DIAPH2: variants seen among roughly 807,000 people sequenced by gnomAD.
DIAPH2 encodes the protein diaphanous related formin 2.
Under a neutral mutation model 92.7 loss-of-function variants are expected in DIAPH2, and 35 were observed. The ratio of observed to expected loss-of-function variants is 0.38; its 90% CI spans 0.29 to 0.50. DIAPH2 has a LOEUF of 0.50. Among genes scored for constraint, DIAPH2 ranks in the 20% least tolerant of loss-of-function variants. DIAPH2 has a pLI of 0.94. For missense variants in DIAPH2, 701 were observed against 819.5 expected (o/e 0.86, Z 1.77); for synonymous variants, 301 against 280.4 (o/e 1.07, Z -0.73).
intron 22 of DIAPH2, among the ~76,000 whole-genome samples, chrX:97,215,561 C>A (rs2067876468): frequency 8.9e-6 from 1 of 111,738 alleles, no homozygotes. Flanking sequence ...GATAAATCCT[C>A]CACTCAGTTT....
intron 22 of DIAPH2, among the ~76,000 whole-genome samples, chrX:97,241,534 G>C (rs1413939910): frequency 9.0e-6 from 1 of 110,635 alleles, no homozygotes; most frequent in Admixed American, 9.6e-5. Flanking sequence ...TCCTGACCTC[G>C]TGATCCGACC....
At chrX:97,276,231 A>G (rs184436425) in intron 23 of DIAPH2, among the ~76,000 whole-genome samples, 2,089 of 112,012 alleles carry the variant, frequency 0.019, 44 homozygotes, top group African/African-American at 0.065. Context: ...GCAGCAGTAC[A>G]GTCCAGCTTC....
chrX:97,219,378 A>G (rs1160740484), intron 22 of DIAPH2, among the ~76,000 whole-genome samples: 1 of 112,118 alleles, frequency 8.9e-6, no homozygotes, highest in Non-Finnish European at 1.9e-5. Flanking sequence ...TAATATGGGC[A>G]AATTAAATGT....
intron 17 of DIAPH2, among the ~76,000 whole-genome samples, chrX:96,983,585 A>G (rs1183542885): frequency 1.8e-5 from 2 of 111,968 alleles, no homozygotes; most frequent in Non-Finnish European, 3.8e-5. Context: ...ATATAACAAT[A>G]TATAATTGAT....
intron 23 of DIAPH2, among the ~76,000 whole-genome samples, chrX:97,252,211 G>A (rs1454473926): frequency 9.0e-6 from 1 of 111,523 alleles, no homozygotes; most frequent in East Asian, 2.8e-4. Flanking sequence ...TCAATGGCAG[G>A]GTTTTCTGTT....
In DIAPH2 at chrX:96,810,108, G is replaced by A. The variant is rs755958553; in HGVS notation, c.447+51850G>A. 8.9e-5 allele frequency among the ~76,000 whole-genome samples: 10 copies of A among 112,135 alleles called. No individual in the cohort carries two copies. The East Asian group carries it at 1.4e-3, about 16-fold the overall frequency. ...GAATTGCCACACTGTCTTCCACAACGGTTGAACTAGTTTACACTCCCATCA... is the reference window on the plus strand; with the variant it reads ...GAATTGCCACACTGTCTTCCACAACAGTTGAACTAGTTTACACTCCCATCA... On this transcript the variant is annotated intron_variant, in intron 4 of 26. Coordinates refer to ENST00000324765, the MANE Select transcript of DIAPH2 (RefSeq NM_006729.5).
chrX:97,343,515 A>C (rs2069129842), intron 23 of DIAPH2, among the ~76,000 whole-genome samples: 1 of 110,889 alleles, frequency 9.0e-6, no homozygotes, highest in Non-Finnish European at 1.9e-5. Context: ...CTAAAAATAC[A>C]AAAATTAGCT....
chrX:97,133,620 A>C (rs745732877), intron 21 of DIAPH2, among the ~76,000 whole-genome samples: 4 of 112,126 alleles, frequency 3.6e-5, no homozygotes, highest in Admixed American at 2.8e-4. Flanking sequence ...TCTGCAACTG[A>C]GGTCAGGATT....
At chrX:97,435,868 C>T (rs752896058) in intron 26 of DIAPH2, among the ~76,000 whole-genome samples, 4 of 99,955 alleles carry the variant, frequency 4.0e-5, no homozygotes, top group East Asian at 6.2e-4. Context: ...AGTGCGGTGG[C>T]GCGATCTTGG....
At chrX:96,806,069 AAATTTGAAT>A (rs2064621840) in intron 4 of DIAPH2, among the ~76,000 whole-genome samples, 1 of 112,005 alleles carries the variant, frequency 8.9e-6, no homozygotes, top group African/African-American at 3.2e-5. Context: ...TTGGCAAGAG[AAATTTGAAT>A]AGCGAGCTCT....
chrX:97,430,383 T>C (rs1049621900), intron 26 of DIAPH2, among the ~76,000 whole-genome samples: 3 of 112,646 alleles, frequency 2.7e-5, no homozygotes, highest in African/African-American at 9.7e-5. Flanking sequence ...CTTTCTCTGT[T>C]CATACCCTAT....
intron 25 of DIAPH2, among the ~76,000 whole-genome samples, chrX:97,407,424 A>G (rs969972555): frequency 3.6e-5 from 4 of 111,864 alleles, no homozygotes; most frequent in Admixed American, 9.5e-5. Context: ...CAATTTGCCT[A>G]TTTGGAAGAT....
At chrX:97,169,978 G>GT (rs2067439795) in intron 22 of DIAPH2, among the ~76,000 whole-genome samples, 1 of 111,951 alleles carries the variant, frequency 8.9e-6, no homozygotes, top group African/African-American at 3.2e-5. Flanking sequence ...TTTTTTTGTT[G>GT]TTTTTTGTTA....
At chrX:97,471,038 G>A (rs1415941724) in intron 26 of DIAPH2, among the ~76,000 whole-genome samples, 3 of 111,713 alleles carry the variant, frequency 2.7e-5, no homozygotes, top group Admixed American at 9.5e-5. Context: ...TGGAGGTGTC[G>A]CTAGGAAAAT....
chrX:96,831,600 C>T (rs1472660573), intron 4 of DIAPH2, among the ~76,000 whole-genome samples: 4 of 112,414 alleles, frequency 3.6e-5, no homozygotes, highest in African/African-American at 1.3e-4. Context: ...ATGGTAGACA[C>T]TCATAAAATA....
intron 22 of DIAPH2, among the ~76,000 whole-genome samples, chrX:97,146,587 A>G (rs1284952025): frequency 9.0e-6 from 1 of 111,431 alleles, no homozygotes; most frequent in Non-Finnish European, 1.9e-5. Flanking sequence ...GGGGAAAAAA[A>G]TCACCTTGAA....
chrX:97,368,617 A>C (rs1571445), intron 24 of DIAPH2, among the ~76,000 whole-genome samples: 1 of 110,480 alleles, frequency 9.1e-6, no homozygotes, highest in Non-Finnish European at 1.9e-5. Context: ...TTCATGGTGA[A>C]TCTGTCTCTG....
intron 26 of DIAPH2, among the ~76,000 whole-genome samples, chrX:97,530,733 T>A (rs1273372501): frequency 5.6e-5 from 6 of 107,454 alleles, no homozygotes; most frequent in Admixed American, 3.9e-4. Flanking sequence ...CATGATTTTT[T>A]AAATTACTAT....
intron 23 of DIAPH2, among the ~76,000 whole-genome samples, chrX:97,249,608 T>C (rs2068171030): frequency 8.9e-6 from 1 of 112,271 alleles, no homozygotes; most frequent in Admixed American, 9.5e-5. Flanking sequence ...AAACTGTGGC[T>C]CAAGTTATTC....
Sources: gnomAD v4.1 joint callset for allele counts (sites outside exome capture counted in the v4.1 genomes callset) on GRCh38, gnomAD v4.1.1 for gene constraint, MANE v1.5 for transcripts, NCBI Gene and HGNC (gene_info 2026-07-23, HGNC 2026-07-21) for gene names.